PCDH15: variants seen among roughly 807,000 people sequenced by gnomAD.
The protein encoded by PCDH15 is protocadherin-15.
Under a neutral mutation model 178.5 loss-of-function variants are expected in PCDH15, and 129 were observed. The observed-to-expected ratio is 0.72, with a 90% CI of 0.63 to 0.84. PCDH15 has a LOEUF of 0.84. Among genes scored for constraint, PCDH15 ranks in the 40% least tolerant of loss-of-function variants. The probability of loss-of-function intolerance (pLI) is 0.00; values close to 1 mark genes in which losing one functional copy is unlikely to be tolerated. For synonymous variants in PCDH15, 800 were observed against 732.0 expected, an observed-to-expected ratio of 1.09 and a Z score of -1.50; for missense variants, 2,230 against 2,099.9, an observed-to-expected ratio of 1.06 and a Z score of -1.21.
intron 19 of PCDH15, 34 bp from the exon 20 acceptor site, chr10:54,020,450 C>A: frequency 4.4e-6 from 7 of 1,592,730 alleles, no homozygotes; most frequent in Non-Finnish European, 6.0e-6. Context: ...TTATTAGTGA[C>A]GTTACCAAAA....
At chr10:55,241,678 C>A (rs1421253135) in intron 1 of PCDH15, among the ~76,000 whole-genome samples, 1 of 152,168 alleles carries the variant, frequency 6.6e-6, no homozygotes, top group African/African-American at 2.4e-5. Context: ...CTGCCTTGGC[C>A]TCCCAAAGTT....
At chr10:55,053,628 G>A (rs1841220029) in intron 2 of PCDH15, among the ~76,000 whole-genome samples, 1 of 152,112 alleles carries the variant, frequency 6.6e-6, no homozygotes, top group Non-Finnish European at 1.5e-5. Flanking sequence ...GTTTGAATTT[G>A]AATTCTGGCT....
At chr10:54,418,642 T>C (rs1253432474) in intron 3 of PCDH15, among the ~76,000 whole-genome samples, 1 of 151,910 alleles carries the variant, frequency 6.6e-6, no homozygotes, top group Non-Finnish European at 1.5e-5. Context: ...TTTTATTATA[T>C]TAGTCAAAAA....
At chr10:54,941,258 G>A (rs1306348366) in intron 2 of PCDH15, among the ~76,000 whole-genome samples, 1 of 151,962 alleles carries the variant, frequency 6.6e-6, no homozygotes, top group African/African-American at 2.4e-5. Flanking sequence ...ACTCCAGTGA[G>A]ATACAGAAAC....
intron 2 of PCDH15, among the ~76,000 whole-genome samples, chr10:55,072,672 A>G (rs914725765): frequency 6.6e-6 from 1 of 152,132 alleles, no homozygotes; most frequent in African/African-American, 2.4e-5. Flanking sequence ...CAGAGGTACA[A>G]GGAGGAACTG....
At chr10:53,988,934 T>A (rs1364461377) in intron 21 of PCDH15, among the ~76,000 whole-genome samples, 1 of 152,164 alleles carries the variant, frequency 6.6e-6, no homozygotes, top group Non-Finnish European at 1.5e-5. Flanking sequence ...AATCAGCCCC[T>A]AGAATCAAAG....
At chr10:55,583,364 A>G (rs768292365) in intron 2 of PCDH15, among the ~76,000 whole-genome samples, 1 of 152,194 alleles carries the variant, frequency 6.6e-6, no homozygotes, top group African/African-American at 2.4e-5. Context: ...AGAATATAAC[A>G]TGACCCATAA....
intron 2 of PCDH15, among the ~76,000 whole-genome samples, chr10:55,076,899 G>C (rs1319717306): frequency 6.6e-6 from 1 of 150,772 alleles, no homozygotes; most frequent in South Asian, 2.1e-4. Flanking sequence ...CTCCTGAGTA[G>C]CTGGGATTAT....
chr10:54,259,288 T>A (rs557940596), intron 8 of PCDH15, among the ~76,000 whole-genome samples: 2 of 152,324 alleles, frequency 1.3e-5, no homozygotes, highest in East Asian at 3.9e-4. Context: ...CAACATCTTC[T>A]ACCGGCCCCT....
chr10:54,660,591 T>C (rs1590896297), intron 2 of PCDH15, among the ~76,000 whole-genome samples: 1 of 152,112 alleles, frequency 6.6e-6, no homozygotes, highest in East Asian at 1.9e-4. Flanking sequence ...GAGGAATGAC[T>C]CCTCTCTAAC....
chr10:55,357,586 T>G (rs1031700365), intron 2 of PCDH15, among the ~76,000 whole-genome samples: 1 of 152,016 alleles, frequency 6.6e-6, no homozygotes, highest in African/African-American at 2.4e-5. Context: ...TTGGGAAAGA[T>G]TGAATTAGAC....
chr10:54,371,271 T>C lies in PCDH15; in HGVS notation c.319-1996A>G, dbSNP rs368486373. ...AAACATTAATGTAAAAATGTAATTG[T>C]GAAATTTTGATAGCTAAAAGCTGAT... On this transcript the variant is annotated intron_variant, in intron 4 of 37. Transcript: ENST00000644397. Among the ~76,000 whole-genome samples the C allele has an allele frequency of 2.0e-5, 3 of 151,950 alleles. No individual in the cohort carries two copies. The South Asian group carries it at 6.2e-4, about 31-fold the overall frequency.
intron 14 of PCDH15, among the ~76,000 whole-genome samples, chr10:54,152,085 G>A (rs893681461): frequency 3.3e-5 from 5 of 152,020 alleles, no homozygotes; most frequent in African/African-American, 9.7e-5. Context: ...TATTGTGTGG[G>A]GACCACAGAG....
At chr10:54,237,207 CT>C (rs2134393312) in intron 8 of PCDH15, among the ~76,000 whole-genome samples, 1 of 152,232 alleles carries the variant, frequency 6.6e-6, no homozygotes, top group Admixed American at 6.5e-5. Flanking sequence ...TGATAATGCA[CT>C]TTTAATCTTC....
chr10:54,500,427 T>C (rs1231511204), intron 3 of PCDH15, among the ~76,000 whole-genome samples: 2 of 152,130 alleles, frequency 1.3e-5, no homozygotes, highest in East Asian at 3.9e-4. Flanking sequence ...CCTGTACATG[T>C]ATCCCATGAA....
intron 1 of PCDH15, among the ~76,000 whole-genome samples, chr10:54,684,889 A>G (rs1446369229): frequency 6.6e-6 from 1 of 152,004 alleles, no homozygotes; most frequent in Non-Finnish European, 1.5e-5. Context: ...TAAATAGTAA[A>G]CTAACTTTAG....
rs200084086 is a variant in PCDH15 at position 54,080,489 on chromosome 10, AAT to A, written c.1998-1067_1998-1066del. 8.2e-3 allele frequency among the ~76,000 whole-genome samples: 1,249 copies of A among 152,280 alleles called. 14 individuals carry two copies. Among genetic ancestry groups the A allele is most frequent in the African/African-American group, 0.029 (1,185 of 41,570 alleles). ...TTATCTGAATATAATAACACATTAA[AAT>A]ATATGTACCAAGTCCAAAACATAAA... On this transcript the variant is annotated intron_variant, in intron 16 of 37. Transcript: ENST00000644397.
intron 8 of PCDH15, among the ~76,000 whole-genome samples, chr10:54,302,547 T>C (rs2060205682): frequency 6.6e-6 from 1 of 152,166 alleles, no homozygotes; most frequent in African/African-American, 2.4e-5. Flanking sequence ...AGGACACCAC[T>C]AACTGTGAGC....
At chr10:54,571,457 A>G (rs1340576568) in intron 2 of PCDH15, among the ~76,000 whole-genome samples, 2 of 152,084 alleles carry the variant, frequency 1.3e-5, no homozygotes, top group Admixed American at 1.3e-4. Context: ...CATCATTAGA[A>G]GCAATGCAGA....
Sources: gnomAD v4.1 joint callset for allele counts (sites outside exome capture counted in the v4.1 genomes callset) on GRCh38, gnomAD v4.1.1 for gene constraint, MANE v1.5 for transcripts, NCBI Gene and HGNC (gene_info 2026-07-23, HGNC 2026-07-21) for gene names.